Variants in SHC2 observed in about 807,000 individuals in gnomAD.
The protein encoded by SHC2 is SHC adaptor protein 2.
Under a neutral mutation model 60.6 loss-of-function variants are expected in SHC2, and 62 were observed. The observed-to-expected ratio is 1.02, with a 90% CI of 0.83 to 1.26. The LOEUF is 1.26. Ranked by LOEUF, SHC2 falls within the 50% of genes most tolerant of loss-of-function variation. The pLI is 0.00. For synonymous variants in SHC2, 375 were observed against 372.4 expected (o/e 1.01, Z -0.08); for missense variants, 873 against 822.2 (o/e 1.06, Z -0.76).
intron 12 of SHC2, among the ~76,000 whole-genome samples, chr19:418,239 T>C (rs897502106): frequency 2.6e-5 from 4 of 152,062 alleles, no homozygotes; most frequent in African/African-American, 9.7e-5. Flanking sequence ...CACCGTCCTC[T>C]CCGGCAGTGC....
chr19:458,902 G>A (rs1027384072), intron 1 of SHC2, among the ~76,000 whole-genome samples: 7 of 152,092 alleles, frequency 4.6e-5, no homozygotes, highest in Admixed American at 1.3e-4. Flanking sequence ...GGCCGAGCGC[G>A]CCTGGGGACC....
intron 11 of SHC2, among the ~76,000 whole-genome samples, chr19:420,750 T>C (rs1230980719): frequency 2.0e-5 from 3 of 152,250 alleles, no homozygotes; most frequent in Admixed American, 6.5e-5. Context: ...AGAGTGTATA[T>C]CTTAGAACTG....
At chr19:417,406 C>T (rs1218151317) in intron 12 of SHC2, 84 bp from the exon 13 acceptor site, 1 of 152,316 alleles carries the variant, frequency 6.6e-6, no homozygotes, top group African/African-American at 2.4e-5. Context: ...TGCTCTTCTG[C>T]CTTGGCATCA....
chr19:442,927 G>A (rs1381942611), intron 1 of SHC2, among the ~76,000 whole-genome samples: 1 of 134,286 alleles, frequency 7.4e-6, no homozygotes, highest in African/African-American at 2.8e-5. Flanking sequence ...GGGTGGATGG[G>A]TGGATGGATG....
intron 1 of SHC2, among the ~76,000 whole-genome samples, chr19:447,709 C>T (rs1200274605): frequency 1.3e-5 from 2 of 151,894 alleles, no homozygotes; most frequent in African/African-American, 2.4e-5. Flanking sequence ...ACCTGGGAAG[C>T]GGAGGTTGCG....
intron 11 of SHC2, 191 bp from the exon 12 acceptor site, chr19:419,247 T>A (rs1600268319): frequency 1.6e-6 from 1 of 616,674 alleles, no homozygotes; most frequent in African/African-American, 1.9e-5. Context: ...GGGCACGGGC[T>A]CTGAAACCCC....
chr19:438,668 C>A lies in SHC2; in HGVS notation c.720+50G>T. 1 of 1,541,340 alleles carries A rather than the reference C, an allele frequency of 6.5e-7. No individual in the cohort carries two copies. ...CCACCTGGCTTTGCCTCCTAGGACT[C>A]CTGGCCCCTCTGGGGGTCTGGGGAC... On this transcript the variant is annotated intron_variant, in intron 4 of 12. Coordinates refer to ENST00000264554, the MANE Select transcript of SHC2 (RefSeq NM_012435.3). The surrounding 1 kb of genome is among the most constrained non-coding windows in gnomAD (Gnocchi z 5.0).
intron 1 of SHC2, among the ~76,000 whole-genome samples, chr19:447,432 C>A (rs562872680): frequency 1.3e-5 from 2 of 152,340 alleles, no homozygotes; most frequent in African/African-American, 4.8e-5. Context: ...CACCGCCCTG[C>A]ACAGTTTAAA....
At position 453,551 on chromosome 19, in the gene SHC2, G is replaced by C. The variant is rs578122679; in HGVS notation, c.468+6978C>G. 6.6e-6 allele frequency among the ~76,000 whole-genome samples: 1 copy of C among 152,160 alleles called. No homozygotes were observed. Among genetic ancestry groups the C allele is most frequent in the African/African-American group, 2.4e-5 (1 of 41,440 alleles). The stretch of plus-strand genomic sequence containing the variant: ...TCTTCCAAAATGCTGGATTACAGGC[G>C]TGAGCCACCACGCCCGGCCAGAACC... On this transcript the variant is annotated intron_variant, in intron 1 of 12. Transcript: ENST00000264554. The surrounding 1 kb of genome is among the most constrained non-coding windows in gnomAD (Gnocchi z 6.3).
In SHC2 at chr19:453,895, G is replaced by T. The variant is rs1234256898; in HGVS notation, c.468+6634C>A. Among the ~76,000 whole-genome samples the T allele has an allele frequency of 6.6e-6, 1 of 152,220 alleles. No homozygotes were observed. Among genetic ancestry groups the T allele is most frequent in the African/African-American group, 2.4e-5 (1 of 41,462 alleles). On this transcript the variant is annotated intron_variant, in intron 1 of 12. Coordinates refer to ENST00000264554, the MANE Select transcript of SHC2 (RefSeq NM_012435.3). This position sits in a 1 kb window ranked among gnomAD's most constrained non-coding sequence, Gnocchi z 6.3. ...TGCGTGAGGGCACCGCAGAGAGCAGGACGGCCTGACTCACGGGACTTCTGT... is the reference window on the plus strand; with the variant it reads ...TGCGTGAGGGCACCGCAGAGAGCAGTACGGCCTGACTCACGGGACTTCTGT...
intron 1 of SHC2, among the ~76,000 whole-genome samples, chr19:450,218 C>T (rs1380746617): frequency 2.0e-5 from 3 of 152,186 alleles, no homozygotes; most frequent in South Asian, 2.1e-4. Context: ...CCCAGGGCCT[C>T]GGAGCTTCCT....
rs116449353 is a variant in SHC2, at chr19:419,246, C to T, written c.1621-190G>A. ...TTCCAGAACCACCCATGGGCACGGG[C>T]TCTGAAACCCCCAGGGTTCTGGGGC... On this transcript the variant is annotated intron_variant, in intron 11 of 12. Transcript: ENST00000264554. 3.2e-3 allele frequency: 1,993 copies of T among 619,248 alleles called. 38 individuals are homozygous for T. In the African/African-American group the frequency reaches 0.034, roughly 11 times the overall value. 38.4% of individuals were successfully genotyped at this position (619,248 alleles called of 1,614,324 possible). A position where few individuals can be genotyped will look rare whatever the true frequency, so the allele number is the denominator to read the frequency against.
chr19:441,245 C>T lies in SHC2; in HGVS notation c.469-313G>A. On this transcript the variant is annotated intron_variant, in intron 1 of 12. Transcript: ENST00000264554. The surrounding 1 kb of genome is among the most constrained non-coding windows in gnomAD (Gnocchi z 4.9). ...CCTCGTCGGTCTCTTTCTGTTCCACCAGCACCGAAGCCGAGGAGCGTGGGG... is the reference window on the plus strand; with the variant it reads ...CCTCGTCGGTCTCTTTCTGTTCCACTAGCACCGAAGCCGAGGAGCGTGGGG... The T allele has an allele frequency of 1.2e-6, 1 of 852,856 alleles. No homozygotes were observed. The highest frequency in any genetic ancestry group is 1.4e-6 in the Non-Finnish European group (1 of 712,730). The allele number at this position is 852,856 out of a possible 1,614,324, so 52.8% of individuals were successfully genotyped here.
intron 6 of SHC2, 31 bp from the exon 7 acceptor site, chr19:436,322 G>A (rs1322242190): frequency 1.9e-6 from 3 of 1,588,378 alleles, no homozygotes; most frequent in Non-Finnish European, 2.6e-6. Context: ...CAGCCTCCGA[G>A]CCACACGGCC....
intron 8 of SHC2, among the ~76,000 whole-genome samples, chr19:434,493 T>C (rs1004433046): frequency 1.1e-3 from 2 of 1,760 alleles, no homozygotes; most frequent in Non-Finnish European, 2.6e-3. Flanking sequence ...TGTGAGTGAG[T>C]GAAATCATGA....
At chr19:447,241 G>T (rs1975073102) in intron 1 of SHC2, among the ~76,000 whole-genome samples, 1 of 147,992 alleles carries the variant, frequency 6.8e-6, no homozygotes. Context: ...CCATTTCTAT[G>T]AAGTGGCCAA....
chr19:455,587 C>T (rs1259450633), intron 1 of SHC2, among the ~76,000 whole-genome samples: 3 of 152,242 alleles, frequency 2.0e-5, no homozygotes, highest in African/African-American at 7.2e-5. Context: ...TCTGCGATGC[C>T]GGCTGAGTCG....
intron 1 of SHC2, among the ~76,000 whole-genome samples, chr19:456,176 C>A (rs1450921025): frequency 6.6e-6 from 1 of 152,208 alleles, no homozygotes; most frequent in Admixed American, 6.5e-5. Context: ...GGGCCTGAGC[C>A]GCCGGCCGCA....
At chr19:452,612 G>A (rs1051723013) in intron 1 of SHC2, among the ~76,000 whole-genome samples, 1 of 152,206 alleles carries the variant, frequency 6.6e-6, no homozygotes, top group African/African-American at 2.4e-5. Flanking sequence ...TGCGGTTGGG[G>A]CATCGTACTG....
Sources: allele counts gnomAD v4.1 joint callset (sites outside exome capture counted in the v4.1 genomes callset), GRCh38; gene constraint gnomAD v4.1.1; non-coding constraint Gnocchi (gnomAD v3.1); transcripts MANE v1.5; gene names NCBI Gene and HGNC (gene_info 2026-07-23, HGNC 2026-07-21).